The following RHAG variants were observed in gnomAD, a reference collection of about 807,000 sequenced individuals.
The protein encoded by RHAG is Rh associated glycoprotein, also known as ammonium transporter Rh type A.
In RHAG, 25 loss-of-function variants were observed where a neutral mutation model predicts 42.4. The ratio of observed to expected loss-of-function variants is 0.59; its 90% CI spans 0.43 to 0.82. RHAG has a LOEUF of 0.82. Among genes scored for constraint, RHAG ranks in the 40% least tolerant of loss-of-function variants. The probability of loss-of-function intolerance (pLI) is 0.00; values close to 1 mark genes in which losing one functional copy is unlikely to be tolerated. For synonymous variants in RHAG, 182 were observed against 177.7 expected, an observed-to-expected ratio of 1.02 and a Z score of -0.19; for missense variants, 483 against 504.6, an observed-to-expected ratio of 0.96 and a Z score of 0.41.
chr6:49,610,957 C>T, intron 7 of RHAG, 67 bp downstream of exon 7: 2 of 1,592,668 alleles, frequency 1.3e-6, no homozygotes, highest in South Asian at 2.2e-5. Flanking sequence ...GAAAACTCTC[C>T]CATTTCTCAG....
chr6:49,611,785 A>G (rs1315011183), intron 6 of RHAG, among the ~76,000 whole-genome samples: 1 of 149,048 alleles, frequency 6.7e-6, no homozygotes, highest in African/African-American at 2.5e-5. Flanking sequence ...TCCATTGCCC[A>G]GGCTGGAGGG....
intron 1 of RHAG, among the ~76,000 whole-genome samples, chr6:49,625,894 C>T (rs961503826): frequency 3.9e-5 from 6 of 152,182 alleles, no homozygotes; most frequent in East Asian, 1.9e-4. Context: ...TCTTACATGG[C>T]GGCAGGCAAG....
At chr6:49,610,688 T>C (rs1762557613) in intron 7 of RHAG, among the ~76,000 whole-genome samples, 1 of 152,164 alleles carries the variant, frequency 6.6e-6, no homozygotes, top group African/African-American at 2.4e-5. Context: ...TCATCATATG[T>C]GCCTCCTCCT....
Position 49,610,282 on chromosome 6 carries a change from G to A in RHAG, c.1067+742C>T, listed in dbSNP as rs138044636. 2.3e-3 allele frequency among the ~76,000 whole-genome samples: 353 copies of A among 152,250 alleles called. 3 individuals carry two copies. Among genetic ancestry groups the A allele is most frequent in the African/African-American group, 8.1e-3 (338 of 41,546 alleles). On this transcript the variant is annotated intron_variant, in intron 7 of 9. Transcript: ENST00000371175. ...TCTGATTTTTCTTAATTTACTCTGT[G>A]TGATCTGGACTCTATGATCTTCTCA...
intron 1 of RHAG, among the ~76,000 whole-genome samples, chr6:49,624,487 G>A (rs1352762367): frequency 1.3e-5 from 2 of 152,212 alleles, no homozygotes; most frequent in African/African-American, 4.8e-5. Flanking sequence ...TTACAGGCAT[G>A]AGCCACTGTG....
intron 9 of RHAG, among the ~76,000 whole-genome samples, chr6:49,606,299 C>T (rs1774162796): frequency 6.6e-6 from 1 of 151,984 alleles, no homozygotes; most frequent in South Asian, 2.1e-4. Context: ...ACCAAATAAA[C>T]CTGTGGACTA....
At chr6:49,608,539 G>C (rs1291511039) in intron 7 of RHAG, among the ~76,000 whole-genome samples, 3 of 151,992 alleles carry the variant, frequency 2.0e-5, no homozygotes, top group Non-Finnish European at 4.4e-5. Flanking sequence ...CACCATGCCG[G>C]GTACTTTTTG....
At chr6:49,613,597 A>G (rs1028905502) in intron 5 of RHAG, among the ~76,000 whole-genome samples, 1 of 151,598 alleles carries the variant, frequency 6.6e-6, no homozygotes, top group African/African-American at 2.4e-5. Flanking sequence ...TCCCCACTCC[A>G]CCCCACCTGC....
Position 49,615,479 on chromosome 6 carries a change from G to C in RHAG, c.640+145C>G, listed in dbSNP as rs923549880. ...CCTGGGCTCAAGTAATCCCACCTCAGCCTCCTGAGTAGCTGAGGATACAGT... is the reference window on the plus strand; with the variant it reads ...CCTGGGCTCAAGTAATCCCACCTCACCCTCCTGAGTAGCTGAGGATACAGT... On this transcript the variant is annotated intron_variant, in intron 4 of 9. Transcript: ENST00000371175. 6.7e-6 allele frequency: 6 copies of C among 895,366 alleles called. 1 individual carries two copies. The East Asian group carries it at 1.5e-4, about 23-fold the overall frequency. The allele number at this position is 895,366 out of a possible 1,614,324, so 55.5% of individuals were successfully genotyped here. A position where few individuals can be genotyped will look rare whatever the true frequency, so the allele number is the denominator to read the frequency against.
chr6:49,636,523 G>T, intron 1 of RHAG, 133 bp downstream of exon 1: 3 of 971,316 alleles, frequency 3.1e-6, no homozygotes, highest in Non-Finnish European at 4.9e-6. Flanking sequence ...TCACAAACAT[G>T]TAATATCCTT....
intron 1 of RHAG, among the ~76,000 whole-genome samples, chr6:49,624,874 A>T (rs1470135641): frequency 6.6e-6 from 1 of 152,222 alleles, no homozygotes; most frequent in Non-Finnish European, 1.5e-5. Flanking sequence ...TCAAATAGCC[A>T]AACCTGTTTC....
At chr6:49,627,242 CTG>C in intron 1 of RHAG, among the ~76,000 whole-genome samples, 1 of 152,324 alleles carries the variant, frequency 6.6e-6, no homozygotes, top group East Asian at 1.9e-4. Flanking sequence ...CTTTTATGCT[CTG>C]TCACCTCTCG....
intron 1 of RHAG, among the ~76,000 whole-genome samples, chr6:49,620,811 G>A (rs1424370311): frequency 6.6e-6 from 1 of 152,184 alleles, no homozygotes; most frequent in Non-Finnish European, 1.5e-5. Flanking sequence ...GATTACAGGT[G>A]TGACCCACCA....
At chr6:49,636,133 G>A (rs1763006930) in intron 1 of RHAG, among the ~76,000 whole-genome samples, 1 of 151,948 alleles carries the variant, frequency 6.6e-6, no homozygotes, top group Admixed American at 6.6e-5. Flanking sequence ...GTAACAAACC[G>A]ACTTCCTTTC....
At position 49,606,916 on chromosome 6, in the gene RHAG, T is replaced by G; in HGVS notation, c.1144A>C (p.Ile382Leu). ...TGTCCCCAGAGAGGCAACTTTAGAATTAAACCTGTGACGGTAGAGGGAAAA... is the reference window on the plus strand; with the variant it reads ...TGTCCCCAGAGAGGCAACTTTAGAAGTAAACCTGTGACGGTAGAGGGAAAA... ...AVVGGLMTGL[I>L]LKLPLWGQPS... Residue 382 changes from isoleucine (I) to leucine (L), a missense_variant, in exon 9 of 10, where the codon ATT (isoleucine) becomes CTT (leucine). Physicochemically the swap from Ile to Leu is conservative, Grantham distance 5. Coordinates refer to ENST00000371175, the MANE Select transcript of RHAG (RefSeq NM_000324.3). The G allele has an allele frequency of 1.2e-6, 2 of 1,610,108 alleles. No individual in the cohort carries two copies. The highest frequency in any genetic ancestry group is 1.7e-5 in the Admixed American group (1 of 59,978).
intron 5 of RHAG, among the ~76,000 whole-genome samples, chr6:49,613,684 A>G (rs536982315): frequency 2.4e-4 from 37 of 152,312 alleles, no homozygotes; most frequent in African/African-American, 8.9e-4. Context: ...CATAGGCAAG[A>G]AACTCAAGAG....
rs1435209812 is a variant in RHAG at position 49,606,847 on chromosome 6, C to T, written c.1212+1G>A. The T allele has an allele frequency of 6.3e-7, 1 of 1,592,594 alleles. No individual in the cohort carries two copies. Among genetic ancestry groups the T allele is most frequent in the Non-Finnish European group, 8.6e-7 (1 of 1,160,584 alleles). On this transcript the variant is annotated splice_donor_variant, in intron 9 of 9. Coordinates refer to ENST00000371175, the MANE Select transcript of RHAG (RefSeq NM_000324.3). LOFTEE classifies it high-confidence loss of function. Reference sequence around the variant, plus strand: ...TTCTTGTTTAGAATACTGTACAGTACCTTCCAATAAACAGAATCATCATAG... The same window carrying T: ...TTCTTGTTTAGAATACTGTACAGTATCTTCCAATAAACAGAATCATCATAG...
chr6:49,631,675 G>A (rs909634203), intron 1 of RHAG, among the ~76,000 whole-genome samples: 1 of 152,146 alleles, frequency 6.6e-6, no homozygotes, highest in Non-Finnish European at 1.5e-5. Flanking sequence ...CCTGAGTGGG[G>A]AATGATATTT....
chr6:49,618,799 G>C (rs1047514035), intron 2 of RHAG, among the ~76,000 whole-genome samples: 3 of 152,190 alleles, frequency 2.0e-5, no homozygotes, highest in Non-Finnish European at 4.4e-5. Flanking sequence ...GATAAATAAA[G>C]AATTGTCTTA....
Sources: allele counts gnomAD v4.1 joint callset (sites outside exome capture counted in the v4.1 genomes callset), GRCh38; gene constraint gnomAD v4.1.1; transcripts MANE v1.5; gene names NCBI Gene and HGNC (gene_info 2026-07-23, HGNC 2026-07-21).